Variants in CSMD1 observed in about 807,000 individuals in gnomAD.
CSMD1 encodes the protein CUB and Sushi multiple domains 1, also known as CUB and sushi domain-containing protein 1.
A neutral mutation model predicts 417.5 loss-of-function variants in CSMD1; 213 were observed. The observed-to-expected ratio is 0.51, with a 90% CI of 0.46 to 0.57. The LOEUF is 0.57. Ranked by LOEUF, CSMD1 falls within the 20% of genes least tolerant of loss-of-function variation. The pLI, the probability that CSMD1 is intolerant of heterozygous loss-of-function variation, is 0.00. For synonymous variants in CSMD1, 2,862 were observed against 1,736.8 expected (o/e 1.65, Z -16.11); for missense variants, 6,923 against 4,529.7 (o/e 1.53, Z -15.17).
chr8:4,694,155 A>G (rs1425890547), intron 1 of CSMD1, among the ~76,000 whole-genome samples: 3 of 152,174 alleles, frequency 2.0e-5, no homozygotes, highest in Non-Finnish European at 4.4e-5. Flanking sequence ...CTTGTGGACA[A>G]AAGACAGAGC....
At chr8:3,588,533 C>T (rs1035501539) in intron 8 of CSMD1, among the ~76,000 whole-genome samples, 6 of 152,112 alleles carry the variant, frequency 3.9e-5, no homozygotes, top group African/African-American at 7.2e-5. Context: ...TATATTTCAA[C>T]GACTGCAGCA....
chr8:3,015,440 G>C (rs934296955), intron 52 of CSMD1, among the ~76,000 whole-genome samples: 2 of 151,556 alleles, frequency 1.3e-5, no homozygotes, highest in African/African-American at 4.9e-5. Context: ...TTTGTCAAGG[G>C]GTCATCATTT....
intron 1 of CSMD1, among the ~76,000 whole-genome samples, chr8:4,737,155 CA>C (rs112950889): frequency 0.094 from 14,264 of 151,916 alleles, 2,163 homozygotes; most frequent in African/African-American, 0.32. Flanking sequence ...TATGCAGCCA[CA>C]AAAAAAGAAT....
chr8:4,945,982 A>T (rs1358454814), intron 1 of CSMD1, among the ~76,000 whole-genome samples: 3 of 152,182 alleles, frequency 2.0e-5, no homozygotes. Context: ...GCTCCAGAAG[A>T]CACGGTAGAG....
intron 11 of CSMD1, among the ~76,000 whole-genome samples, chr8:3,490,194 A>G (rs947531881): frequency 7.9e-5 from 12 of 152,190 alleles, no homozygotes; most frequent in Admixed American, 6.5e-4. Context: ...AGCTGATTAA[A>G]TGCCCAGCTG....
intron 11 of CSMD1, among the ~76,000 whole-genome samples, chr8:3,469,650 A>T (rs2117191152): frequency 6.6e-6 from 1 of 152,366 alleles, no homozygotes; most frequent in Non-Finnish European, 1.5e-5. Flanking sequence ...TCAAATAGGA[A>T]GCTTGACTTT....
At chr8:3,004,902 G>C (rs1293853179) in intron 52 of CSMD1, among the ~76,000 whole-genome samples, 2 of 152,182 alleles carry the variant, frequency 1.3e-5, no homozygotes, top group African/African-American at 2.4e-5. Context: ...ACTTTGGGAT[G>C]CTGAGGTAGG....
At chr8:4,402,699 G>A (rs537423372) in intron 3 of CSMD1, among the ~76,000 whole-genome samples, 1 of 151,136 alleles carries the variant, frequency 6.6e-6, no homozygotes, top group South Asian at 2.1e-4. Flanking sequence ...TAGAAGCAAT[G>A]TGAAAACAGC....
chr8:4,345,951 T>C (rs1563077547), intron 3 of CSMD1, among the ~76,000 whole-genome samples: 1 of 152,102 alleles, frequency 6.6e-6, no homozygotes, highest in Admixed American at 6.6e-5. Flanking sequence ...GTTTTCAAAC[T>C]ACGCTCTTCA....
chr8:3,792,731 C>A (rs949533138), intron 5 of CSMD1, among the ~76,000 whole-genome samples: 1 of 152,162 alleles, frequency 6.6e-6, no homozygotes, highest in African/African-American at 2.4e-5. Context: ...AGAGTTTCAA[C>A]CAGAATGCTC....
chr8:4,113,558 G>T (rs931917915), intron 3 of CSMD1, among the ~76,000 whole-genome samples: 1 of 151,978 alleles, frequency 6.6e-6, no homozygotes, highest in East Asian at 1.9e-4. Flanking sequence ...GCACGTGCCA[G>T]CACACCTGGC....
intron 5 of CSMD1, among the ~76,000 whole-genome samples, chr8:3,801,992 T>C (rs1255497604): frequency 1.3e-5 from 2 of 151,994 alleles, no homozygotes; most frequent in Non-Finnish European, 1.5e-5. Context: ...GTGATGAAAA[T>C]ATTCTAAAAT....
chr8:4,962,486 C>T (rs10105362), intron 1 of CSMD1, among the ~76,000 whole-genome samples: 106,492 of 152,064 alleles, frequency 0.7, 37,797 homozygotes, highest in Middle Eastern at 0.81. Flanking sequence ...TCTGAGATTC[C>T]AGGCATGTCC....
At chr8:3,541,627 T>C (rs1027727919) in intron 10 of CSMD1, among the ~76,000 whole-genome samples, 1 of 149,914 alleles carries the variant, frequency 6.7e-6, no homozygotes. Flanking sequence ...TTTTTACAGG[T>C]AGACGTTCTT....
intron 5 of CSMD1, among the ~76,000 whole-genome samples, chr8:3,950,127 C>G (rs1490368538): frequency 2.6e-5 from 4 of 152,144 alleles, no homozygotes; most frequent in Non-Finnish European, 5.9e-5. Flanking sequence ...ACACGTTACA[C>G]TGACCTGCAT....
intron 7 of CSMD1, among the ~76,000 whole-genome samples, chr8:3,680,810 C>G (rs556998533): frequency 6.6e-6 from 1 of 152,054 alleles, no homozygotes; most frequent in Non-Finnish European, 1.5e-5. Context: ...GCAAACCGAA[C>G]TCAGCAGCAC....
At chr8:3,866,060 A>G (rs1391796419) in intron 5 of CSMD1, among the ~76,000 whole-genome samples, 1 of 152,136 alleles carries the variant, frequency 6.6e-6, no homozygotes, top group Non-Finnish European at 1.5e-5. Context: ...AACAAGTAAA[A>G]TGTCTTTAAA....
chr8:4,497,567 T>C lies in CSMD1; in HGVS notation c.303-77502A>G, dbSNP rs537791711. On this transcript the variant is annotated intron_variant, in intron 2 of 69. Coordinates refer to ENST00000635120, the MANE Select transcript of CSMD1 (RefSeq NM_033225.6). ...CTGAGGAGCAGGGAGGAAAGACGGA[T>C]GAGTGGAGTACACATGGTGGATGCT... is the stretch of plus-strand genomic sequence containing the variant. Among the ~76,000 whole-genome samples, 16 of 152,268 alleles carry C rather than the reference T, an allele frequency of 1.1e-4. No individual in the cohort carries two copies. The South Asian group carries it at 2.9e-3, about 28-fold the overall frequency.
chr8:4,741,327 C>T (rs763453784), intron 1 of CSMD1, among the ~76,000 whole-genome samples: 5 of 152,190 alleles, frequency 3.3e-5, no homozygotes, highest in Admixed American at 1.3e-4. Context: ...GGGAATTTTT[C>T]TCTCAGACCA....
Sources: gnomAD v4.1 joint callset for allele counts (sites outside exome capture counted in the v4.1 genomes callset) on GRCh38, gnomAD v4.1.1 for gene constraint, MANE v1.5 for transcripts, NCBI Gene and HGNC (gene_info 2026-07-23, HGNC 2026-07-21) for gene names.